CAMKMT: variants seen among roughly 807,000 people sequenced by gnomAD.
The protein encoded by CAMKMT is calmodulin-lysine N-methyltransferase.
A neutral mutation model predicts 48.0 loss-of-function variants in CAMKMT; 53 were observed. The observed-to-expected ratio is 1.10, with a 90% CI of 0.89 to 1.39. The LOEUF (loss-of-function observed/expected upper bound fraction) is 1.39, where lower values mean the gene tolerates loss of function less well. CAMKMT is among the 40% of genes most tolerant of loss of function. The probability of loss-of-function intolerance (pLI) is 0.00; values close to 1 mark genes in which losing one functional copy is unlikely to be tolerated. For missense variants in CAMKMT, 428 were observed against 402.7 expected (o/e 1.06, Z -0.54); for synonymous variants, 165 against 152.3 (o/e 1.08, Z -0.61).
At chr2:44,716,100 A>G (rs1678162601) in intron 7 of CAMKMT, among the ~76,000 whole-genome samples, 1 of 152,112 alleles carries the variant, frequency 6.6e-6, no homozygotes. Flanking sequence ...AAACAGCTGT[A>G]TTTGTGCATT....
In CAMKMT at chr2:44,579,503, C is replaced by T. The variant is rs115417585; in HGVS notation, c.377-124780C>T. ...TACATCACATTCTTTGACTCTATTG[C>T]GAGGTAGAAGCTGCATGGAAAGAAA... On this transcript the variant is annotated intron_variant, in intron 3 of 10. Coordinates refer to ENST00000378494, the MANE Select transcript of CAMKMT (RefSeq NM_024766.5). Among the ~76,000 whole-genome samples, 940 of 152,218 alleles carry T rather than the reference C, an allele frequency of 6.2e-3. 8 individuals are homozygous for T. The highest frequency in any genetic ancestry group is 0.019 in the African/African-American group (797 of 41,532).
At chr2:44,400,743 G>C (rs540825952) in intron 3 of CAMKMT, 1 of 151,428 alleles carries the variant, frequency 6.6e-6, no homozygotes, top group Non-Finnish European at 1.5e-5. Context: ...TAAAAAATAA[G>C]CTAACACTAT....
At chr2:44,508,957 G>A (rs1424698605) in intron 3 of CAMKMT, among the ~76,000 whole-genome samples, 2 of 152,014 alleles carry the variant, frequency 1.3e-5, no homozygotes, top group South Asian at 2.1e-4. Context: ...TTAGCCGGGT[G>A]TGGTGGCATG....
chr2:44,651,064 T>C (rs933405284), intron 3 of CAMKMT, among the ~76,000 whole-genome samples: 6 of 152,254 alleles, frequency 3.9e-5, no homozygotes, highest in African/African-American at 1.4e-4. Flanking sequence ...GTGTGACTGA[T>C]AAATTACTCT....
intron 3 of CAMKMT, among the ~76,000 whole-genome samples, chr2:44,631,031 A>T (rs1414621793): frequency 2.6e-5 from 4 of 152,352 alleles, no homozygotes; most frequent in African/African-American, 7.2e-5. Flanking sequence ...GATTAAGAAA[A>T]TGTGGCATGT....
intron 3 of CAMKMT, among the ~76,000 whole-genome samples, chr2:44,537,365 A>G (rs934466656): frequency 5.3e-5 from 8 of 152,344 alleles, no homozygotes; most frequent in Admixed American, 4.6e-4. Context: ...AGGGACATGA[A>G]TATACATTTA....
intron 7 of CAMKMT, among the ~76,000 whole-genome samples, chr2:44,723,374 C>T (rs1434918188): frequency 6.6e-6 from 1 of 151,996 alleles, no homozygotes; most frequent in Admixed American, 6.6e-5. Flanking sequence ...GGGTGGATCA[C>T]GAAGTTGGGA....
At chr2:44,531,688 G>A (rs1666494263) in intron 3 of CAMKMT, among the ~76,000 whole-genome samples, 2 of 151,766 alleles carry the variant, frequency 1.3e-5, no homozygotes, top group Non-Finnish European at 2.9e-5. Context: ...AAATCTCTGT[G>A]GTACAAATCT....
Position 44,533,430 on chromosome 2 carries a change from G to C in CAMKMT, c.376+143125G>C, listed in dbSNP as rs951315596. On this transcript the variant is annotated intron_variant, in intron 3 of 10. Coordinates refer to ENST00000378494, the MANE Select transcript of CAMKMT (RefSeq NM_024766.5). ...ATTTTTGTATTTTTAGTAGAGACAGGGTTTCACCATGTTGGCCAGGCTGGT... is the reference window on the plus strand; with the variant it reads ...ATTTTTGTATTTTTAGTAGAGACAGCGTTTCACCATGTTGGCCAGGCTGGT... Among the ~76,000 whole-genome samples the C allele has an allele frequency of 3.3e-5, 5 of 151,722 alleles. No homozygotes were observed. The South Asian group carries it at 1.0e-3, about 32-fold the overall frequency.
At chr2:44,658,826 G>C (rs1251442256) in intron 3 of CAMKMT, among the ~76,000 whole-genome samples, 1 of 152,096 alleles carries the variant, frequency 6.6e-6, no homozygotes. Flanking sequence ...TTTCCTTCCA[G>C]TGGGAGCCAT....
intron 3 of CAMKMT, among the ~76,000 whole-genome samples, chr2:44,619,218 C>T (rs1206539779): frequency 6.6e-6 from 1 of 152,142 alleles, no homozygotes. Context: ...TTGAAAACAC[C>T]ATTACTCAAG....
intron 3 of CAMKMT, among the ~76,000 whole-genome samples, chr2:44,555,795 A>G (rs1667975024): frequency 6.6e-6 from 1 of 152,176 alleles, no homozygotes; most frequent in African/African-American, 2.4e-5. Flanking sequence ...AAGGGAGGAG[A>G]AACTTTCAAG....
chr2:44,434,846 C>T (rs1684854823), intron 3 of CAMKMT, among the ~76,000 whole-genome samples: 1 of 152,140 alleles, frequency 6.6e-6, no homozygotes, highest in Non-Finnish European at 1.5e-5. Flanking sequence ...TGCTAATTTA[C>T]TGTTTATGTT....
intron 3 of CAMKMT, among the ~76,000 whole-genome samples, chr2:44,682,836 G>A (rs1000075054): frequency 6.6e-6 from 1 of 152,132 alleles, no homozygotes; most frequent in Non-Finnish European, 1.5e-5. Context: ...ACACAACAAT[G>A]TAAAATAAAA....
intron 3 of CAMKMT, among the ~76,000 whole-genome samples, chr2:44,631,308 TAGTG>T (rs781266319): frequency 2.7e-4 from 41 of 152,220 alleles, no homozygotes; most frequent in Middle Eastern, 3.4e-3. Flanking sequence ...GATGACGAGT[TAGTG>T]GGTGCAGCGC....
intron 3 of CAMKMT, among the ~76,000 whole-genome samples, chr2:44,511,578 C>T (rs1183464828): frequency 6.6e-6 from 1 of 152,212 alleles, no homozygotes; most frequent in Non-Finnish European, 1.5e-5. Flanking sequence ...TATGAGCCAC[C>T]ACGCCTGGCC....
intron 1 of CAMKMT, among the ~76,000 whole-genome samples, chr2:44,369,420 C>T (rs1219488158): frequency 6.6e-6 from 1 of 152,092 alleles, no homozygotes; most frequent in East Asian, 1.9e-4. Flanking sequence ...AATAAGTGTT[C>T]CTTTTTTGAA....
At chr2:44,511,377 C>T (rs1193600173) in intron 3 of CAMKMT, among the ~76,000 whole-genome samples, 1 of 152,218 alleles carries the variant, frequency 6.6e-6, no homozygotes, top group African/African-American at 2.4e-5. Flanking sequence ...CAACCTCCGC[C>T]TACTAGGTTC....
At chr2:44,673,757 G>A (rs1675500190) in intron 3 of CAMKMT, among the ~76,000 whole-genome samples, 1 of 152,190 alleles carries the variant, frequency 6.6e-6, no homozygotes, top group African/African-American at 2.4e-5. Context: ...ACAAAGAAGG[G>A]AGATGACTGG....
Sources: allele counts gnomAD v4.1 joint callset (sites outside exome capture counted in the v4.1 genomes callset), GRCh38; gene constraint gnomAD v4.1.1; transcripts MANE v1.5; gene names NCBI Gene and HGNC (gene_info 2026-07-23, HGNC 2026-07-21).